Variants in RPS6KB1 observed in about 807,000 individuals in gnomAD.
RPS6KB1 encodes the protein ribosomal protein S6 kinase B1.
Under a neutral mutation model 70.2 loss-of-function variants are expected in RPS6KB1, and 12 were observed. The observed-to-expected ratio is 0.17, with a 90% confidence interval of 0.11 to 0.28. RPS6KB1 has a LOEUF of 0.28. RPS6KB1 is among the 10% of genes least tolerant of loss of function. The pLI, the probability that RPS6KB1 is intolerant of heterozygous loss-of-function variation, is 1.00. For missense variants in RPS6KB1, 270 were observed against 646.6 expected, an observed-to-expected ratio of 0.42 and a Z score of 6.32; for synonymous variants, 175 against 211.2, an observed-to-expected ratio of 0.83 and a Z score of 1.49.
Position 59,936,560 on chromosome 17 carries a change from G to A in RPS6KB1, c.1119+19G>A, listed in dbSNP as rs1350642587. 3.1e-6 allele frequency: 5 copies of A among 1,596,366 alleles called. No homozygotes were observed. In the South Asian group the frequency reaches 3.3e-5, roughly 11 times the overall value. On this transcript the variant is annotated intron_variant, in intron 12 of 14. Transcript: ENST00000225577. ...TCTGTTGGTAAGTATACATGAAAGT[G>A]TATAATTGGGTGCAGTGGCTCACGC...
chr17:59,935,898 A>G (rs2044200983), intron 10 of RPS6KB1, among the ~76,000 whole-genome samples: 2 of 148,150 alleles, frequency 1.3e-5, no homozygotes, highest in South Asian at 2.1e-4. Flanking sequence ...TGCAACCTCC[A>G]CCTCCCAGGT....
intron 3 of RPS6KB1, among the ~76,000 whole-genome samples, chr17:59,913,208 A>G (rs1024717895): frequency 6.6e-6 from 1 of 152,176 alleles, no homozygotes; most frequent in African/African-American, 2.4e-5. Context: ...TTCTGGAGCA[A>G]TAGAATTGGG....
At chr17:59,904,068 G>GTATTTATTTATTTATTTATT (rs34220591) in intron 1 of RPS6KB1, among the ~76,000 whole-genome samples, 3 of 149,300 alleles carry the variant, frequency 2.0e-5, no homozygotes, top group African/African-American at 7.4e-5. Flanking sequence ...TTGAGTTGGA[G>GTATTTATTTATTTATTTATT]TATTTATTTA....
At chr17:59,938,012 C>T (rs2044338256) in intron 12 of RPS6KB1, among the ~76,000 whole-genome samples, 1 of 151,942 alleles carries the variant, frequency 6.6e-6, no homozygotes, top group South Asian at 2.1e-4. Context: ...TAAAAAACAA[C>T]AAACAATTGT....
At chr17:59,918,963 C>G (rs764814619) in intron 4 of RPS6KB1, among the ~76,000 whole-genome samples, 1 of 151,282 alleles carries the variant, frequency 6.6e-6, no homozygotes, top group Non-Finnish European at 1.5e-5. Context: ...ACCCAAGTAG[C>G]TGGGATAACA....
chr17:59,939,264 TTTTTA>T (rs2044440154), intron 12 of RPS6KB1, among the ~76,000 whole-genome samples: 1 of 152,194 alleles, frequency 6.6e-6, no homozygotes, highest in African/African-American at 2.4e-5. Context: ...ATCGCAGTTA[TTTTTA>T]TTTTATTTTT....
chr17:59,895,392 G>C (rs1217717388), intron 1 of RPS6KB1, among the ~76,000 whole-genome samples: 1 of 147,440 alleles, frequency 6.8e-6, no homozygotes, highest in African/African-American at 2.5e-5. Flanking sequence ...TGCGATCTCG[G>C]CTCACTGCAG....
At position 59,946,056 on chromosome 17, in the gene RPS6KB1, C is replaced by G. The variant is rs7217337; in HGVS notation, c.1341-495C>G. Among the ~76,000 whole-genome samples the G allele has an allele frequency of 1.3e-5, 2 of 151,870 alleles. No individual in the cohort carries two copies. Among genetic ancestry groups the G allele is most frequent in the East Asian group, 3.9e-4 (2 of 5,192 alleles). On this transcript the variant is annotated intron_variant, in intron 14 of 14. Transcript: ENST00000225577. This position sits in a 1 kb window ranked among gnomAD's most constrained non-coding sequence, Gnocchi z 4.2. ...TGGTGTAGTAACATCTAGCAGTGAACGGAAAGAGCCAGCCCTACAAAAATA... is the reference window on the plus strand; with the variant it reads ...TGGTGTAGTAACATCTAGCAGTGAAGGGAAAGAGCCAGCCCTACAAAAATA...
In RPS6KB1 at chr17:59,934,807, A is replaced by G. The variant is rs574851555; in HGVS notation, c.870+283A>G. 9 of 418,178 alleles carry G rather than the reference A, an allele frequency of 2.2e-5. No individual in the cohort carries two copies. Among genetic ancestry groups the G allele is most frequent in the East Asian group, 4.3e-5 (1 of 23,034 alleles). 25.9% of individuals were successfully genotyped at this position (418,178 alleles called of 1,614,324 possible). On this transcript the variant is annotated intron_variant, in intron 9 of 14. Transcript: ENST00000225577. This position sits in a 1 kb window ranked among gnomAD's most constrained non-coding sequence, Gnocchi z 4.8. ...TGGAGAAATTGAAGCATAAAATCAC[A>G]TAGCTCACTTATCACACAGAAAGTT...
intron 1 of RPS6KB1, among the ~76,000 whole-genome samples, chr17:59,904,840 G>A (rs2042173415): frequency 6.6e-6 from 1 of 151,580 alleles, no homozygotes; most frequent in Non-Finnish European, 1.5e-5. Flanking sequence ...GGGACTACAG[G>A]CACTCGCCAC....
At chr17:59,936,395 AG>A (rs550310990) in intron 11 of RPS6KB1, 68 bp from the exon 12 acceptor site, 626 of 1,537,632 alleles carry the variant, frequency 4.1e-4, no homozygotes, top group Non-Finnish European at 4.2e-4. Context: ...AACTTCAAAA[AG>A]GTGATTAATT....
Position 59,893,770 on chromosome 17 carries a change from T to C in RPS6KB1, c.141+445T>C, listed in dbSNP as rs565726591. 4 of 991,470 alleles carry C rather than the reference T, an allele frequency of 4.0e-6. No individual in the cohort carries two copies. Among genetic ancestry groups the C allele is most frequent in the Admixed American group, 1.1e-4 (2 of 17,424 alleles). The allele number at this position is 991,470 out of a possible 1,614,324, so 61.4% of individuals were successfully genotyped here. On this transcript the variant is annotated intron_variant, in intron 1 of 14. Coordinates refer to ENST00000225577, the MANE Select transcript of RPS6KB1 (RefSeq NM_003161.4). This position sits in a 1 kb window ranked among gnomAD's most constrained non-coding sequence, Gnocchi z 4.1. ...TTCAGACCTCCCACAACCACCTCTC[T>C]TCTCGGCCTGTCGCTTCTCTCCTAG...
At chr17:59,919,254 G>A (rs1205364663) in intron 4 of RPS6KB1, among the ~76,000 whole-genome samples, 1 of 152,150 alleles carries the variant, frequency 6.6e-6, no homozygotes, top group Non-Finnish European at 1.5e-5. Context: ...GCTGGGTGTG[G>A]TGGCTCACGC....
intron 13 of RPS6KB1, among the ~76,000 whole-genome samples, chr17:59,943,078 A>T (rs2044709621): frequency 6.6e-6 from 1 of 152,200 alleles, no homozygotes; most frequent in Non-Finnish European, 1.5e-5. Flanking sequence ...ACTGAATAGT[A>T]ATAATCCTAT....
chr17:59,928,367 A>G (rs959870323), intron 5 of RPS6KB1, among the ~76,000 whole-genome samples: 3 of 149,472 alleles, frequency 2.0e-5, no homozygotes, highest in Non-Finnish European at 1.5e-5. Flanking sequence ...ATTTCAGTGT[A>G]TGTTTTCTTT....
At chr17:59,936,083 AG>A (rs1306967656) in intron 10 of RPS6KB1, 131 bp from the exon 11 acceptor site, 2 of 752,412 alleles carry the variant, frequency 2.7e-6, no homozygotes, top group Non-Finnish European at 2.2e-6. Context: ...CTGGGATTAC[AG>A]GCATGAGCCA....
At chr17:59,940,735 A>T (rs1261203907) in intron 12 of RPS6KB1, 101 bp from the exon 13 acceptor site, 2 of 623,708 alleles carry the variant, frequency 3.2e-6, no homozygotes, top group African/African-American at 3.7e-5. Flanking sequence ...ATACTTTATT[A>T]TAGTTAACCC....
rs1439281335 is a variant in RPS6KB1, at chr17:59,946,861, A to C, written c.*73A>C. 25 of 1,561,370 alleles carry C rather than the reference A, an allele frequency of 1.6e-5. No individual in the cohort carries two copies. The highest frequency in any genetic ancestry group is 2.2e-5 in the Non-Finnish European group (25 of 1,147,544). On this transcript the variant is annotated 3_prime_UTR_variant, in exon 15 of 15. Coordinates refer to ENST00000225577, the MANE Select transcript of RPS6KB1 (RefSeq NM_003161.4). The surrounding 1 kb of genome is among the most constrained non-coding windows in gnomAD (Gnocchi z 4.2). ...GATGTGTGAGCATCCTGCAAGGTGA[A>C]ACGACTCAAAATGACAGTTTCAGAG...
At chr17:59,912,388 A>G (rs765098210) in intron 2 of RPS6KB1, 1 of 277,322 alleles carries the variant, frequency 3.6e-6, no homozygotes, top group South Asian at 4.2e-5. Flanking sequence ...TGAATGGATT[A>G]TCCAAGGCAT....
Sources: gnomAD v4.1 joint callset for allele counts (sites outside exome capture counted in the v4.1 genomes callset) on GRCh38, gnomAD v4.1.1 for gene constraint, Gnocchi (gnomAD v3.1) non-coding constraint, MANE v1.5 for transcripts, NCBI Gene and HGNC (gene_info 2026-07-23, HGNC 2026-07-21) for gene names.